Variants in PCDHGB4 observed in about 807,000 individuals in gnomAD.
PCDHGB4 encodes protocadherin gamma-B4.
PCDHGB4 carries 38 observed loss-of-function variants against 60.5 expected under a neutral mutation model. The observed-to-expected ratio is 0.63, with a 90% CI of 0.48 to 0.82. The LOEUF is 0.82. PCDHGB4 is among the 40% of genes least tolerant of loss of function. The pLI is 0.00. For missense variants in PCDHGB4, 1,109 were observed against 1,209.6 expected (o/e 0.92, Z 1.23); for synonymous variants, 456 against 509.7 (o/e 0.89, Z 1.42).
chr5:141,402,801 G>A, intron 1 of PCDHGB4: 6 of 1,078,624 alleles, frequency 5.6e-6, no homozygotes, highest in Non-Finnish European at 7.6e-6. Context: ...CACAAAACCC[G>A]GCAGATACCA....
In PCDHGB4 at chr5:141,389,832, C is replaced by A; in HGVS notation, c.1948C>A (p.Pro650Thr). The change falls in exon 1 of 4, where the codon CCA (proline) becomes ACA (threonine). Residue 650 changes from proline (P) to threonine (T), a missense_variant. Around this residue, in one of 2 missense-constraint regions of PCDHGB4, gnomAD observed 1,068 missense variants for 1,089.9 expected, o/e 0.98. Coordinates refer to ENST00000519479, the MANE Select transcript of PCDHGB4 (RefSeq NM_003736.4). ...LLVAVRDGGQ[P>T]PLSATATLHL... ...GGTCGCCGTGCGTGACGGTGGACAG[C>A]CACCACTCTCGGCCACTGCCACGTT... The A allele has an allele frequency of 1.9e-6, 3 of 1,613,966 alleles. No homozygotes were observed. The highest frequency in any genetic ancestry group is 2.5e-6 in the Non-Finnish European group (3 of 1,179,904).
chr5:141,401,060 T>A (rs1395651829), intron 1 of PCDHGB4, among the ~76,000 whole-genome samples: 3 of 152,216 alleles, frequency 2.0e-5, no homozygotes, highest in Non-Finnish European at 4.4e-5. Flanking sequence ...ATACTATATG[T>A]TGGCTGGGTG....
intron 1 of PCDHGB4, chr5:141,399,958 G>C: frequency 1.2e-6 from 2 of 1,612,122 alleles, no homozygotes; most frequent in Middle Eastern, 3.8e-4. Context: ...TAGCGAGCCC[G>C]GGCTCTTCAG....
chr5:141,432,934 G>A lies in PCDHGB4; in HGVS notation c.2397+42653G>A. The stretch of plus-strand genomic sequence containing the variant: ...GGCGCTGGCACAAGTCACGCCTGCT[G>A]CAGGCTTCAGGAGGCGGCTTGACAG... On this transcript the variant is annotated intron_variant, in intron 1 of 3. Transcript: ENST00000519479. This position sits in a 1 kb window ranked among gnomAD's most constrained non-coding sequence, Gnocchi z 6.0. 1.9e-6 allele frequency: 3 copies of A among 1,614,196 alleles called. No individual in the cohort carries two copies. Among genetic ancestry groups the A allele is most frequent in the Non-Finnish European group, 2.5e-6 (3 of 1,180,040 alleles).
chr5:141,444,360 G>A (rs556605314), intron 1 of PCDHGB4, among the ~76,000 whole-genome samples: 1 of 151,652 alleles, frequency 6.6e-6, no homozygotes, highest in South Asian at 2.1e-4. Context: ...TAGTAGAGAC[G>A]GGGTTTCTCC....
chr5:141,462,646 A>G (rs1371582710), intron 1 of PCDHGB4, among the ~76,000 whole-genome samples: 1 of 137,316 alleles, frequency 7.3e-6, no homozygotes, highest in Non-Finnish European at 1.5e-5. Flanking sequence ...TTTCATTTCC[A>G]TCCTCAATTA....
chr5:141,484,960 C>A, intron 1 of PCDHGB4: 1 of 577,142 alleles, frequency 1.7e-6, no homozygotes, highest in Non-Finnish European at 3.1e-6. Flanking sequence ...TTGGCTGAGC[C>A]CGGGAGCCGC....
Position 141,393,014 on chromosome 5 carries a change from C to T in PCDHGB4, c.2397+2733C>T, listed in dbSNP as rs761990025. The T allele has an allele frequency of 1.9e-6, 3 of 1,613,736 alleles. No homozygotes were observed. The African/African-American group carries it at 4.0e-5, about 22-fold the overall frequency. On this transcript the variant is annotated intron_variant, in intron 1 of 3. Transcript: ENST00000519479. ...TGGCGAAGCACGGAGTCCGTATCGT[C>T]TCCAGAGGTAGGACGCAGCTCTTTG... is the stretch of plus-strand genomic sequence containing the variant.
chr5:141,393,805 C>T (rs1266380650), intron 1 of PCDHGB4: 3 of 1,613,914 alleles, frequency 1.9e-6, no homozygotes, highest in South Asian at 1.1e-5. Flanking sequence ...CTGGGGAGGA[C>T]CAAATTGCTC....
rs775898365 is a variant in PCDHGB4 at position 141,476,425 on chromosome 5, T to C, written c.2398-18382T>C. On this transcript the variant is annotated intron_variant, in intron 1 of 3. Transcript: ENST00000519479. This position sits in a 1 kb window ranked among gnomAD's most constrained non-coding sequence, Gnocchi z 7.6. ...AGGAGCTGTGTGGGACACTGCCCTC[T>C]TGCACTGTAACTCTGGAGTTGGTAG... is the stretch of plus-strand genomic sequence containing the variant. The C allele has an allele frequency of 1.2e-6, 2 of 1,614,108 alleles. No homozygotes were observed. Among genetic ancestry groups the C allele is most frequent in the East Asian group, 4.5e-5 (2 of 44,848 alleles).
chr5:141,408,873 CCACCG>C (rs776180805), intron 1 of PCDHGB4: 50 of 1,613,104 alleles, frequency 3.1e-5, no homozygotes, highest in Non-Finnish European at 4.1e-5. Context: ...CCAAGAAGTG[CCACCG>C]CTCACATAGA....
chr5:141,414,725 T>C (rs1303775655), intron 1 of PCDHGB4: 8 of 1,613,970 alleles, frequency 5.0e-6, no homozygotes, highest in African/African-American at 1.3e-5. Flanking sequence ...GACACTGGCG[T>C]CCTGTATGCA....
intron 1 of PCDHGB4, chr5:141,422,075 G>A (rs1192481253): frequency 1.9e-6 from 3 of 1,612,092 alleles, no homozygotes; most frequent in East Asian, 2.2e-5. Flanking sequence ...TATTCATTTC[G>A]GAACATGGAA....
chr5:141,389,070 T>C lies in PCDHGB4; in HGVS notation c.1186T>C (p.Ser396Pro). ...TGTTCCATTTAAAATATTAACTTCT[T>C]CAAGAAACACGTATAAATTAGTGAC... is the stretch of plus-strand genomic sequence containing the variant. The part of the protein sequence containing the change: ...GDVPFKILTS[S>P]RNTYKLVTDA... Residue 396 changes from serine (S) to proline (P), a missense_variant, in exon 1 of 4, where the codon TCA becomes CCA. Coordinates refer to ENST00000519479, the MANE Select transcript of PCDHGB4 (RefSeq NM_003736.4). 1 of 1,613,964 alleles carries C rather than the reference T, an allele frequency of 6.2e-7. No homozygotes were observed. Among genetic ancestry groups the C allele is most frequent in the South Asian group, 1.1e-5 (1 of 91,082 alleles).
chr5:141,510,083 G>A (rs2099879432), intron 3 of PCDHGB4, among the ~76,000 whole-genome samples: 1 of 152,104 alleles, frequency 6.6e-6, no homozygotes, highest in Non-Finnish European at 1.5e-5. Flanking sequence ...CAGAGTGCCT[G>A]GCACACAGTA....
At chr5:141,419,276 CAA>C in intron 1 of PCDHGB4, 4 of 1,614,038 alleles carry the variant, frequency 2.5e-6, no homozygotes, top group Non-Finnish European at 3.4e-6. Flanking sequence ...CTCCATAGCG[CAA>C]GTCAGTGCCT....
Position 141,489,424 on chromosome 5 carries a change from C to T in PCDHGB4, c.2398-5383C>T, listed in dbSNP as rs758049228. The T allele has an allele frequency of 5.0e-5, 80 of 1,613,958 alleles. No homozygotes were observed. In the Admixed American group the frequency reaches 1.1e-3, roughly 23 times the overall value. On this transcript the variant is annotated intron_variant, in intron 1 of 3. Coordinates refer to ENST00000519479, the MANE Select transcript of PCDHGB4 (RefSeq NM_003736.4). The surrounding 1 kb of genome is among the most constrained non-coding windows in gnomAD (Gnocchi z 4.5). ...CTTAAAGATGACAGATCTGTTGAGC[C>T]GGCGGCTGCAATTGGGCTCTGAGGA...
At chr5:141,397,843 C>A (rs1200465582) in intron 1 of PCDHGB4, 7 of 522,606 alleles carry the variant, frequency 1.3e-5, no homozygotes, top group Non-Finnish European at 2.0e-5. Context: ...CTTGAAGCCG[C>A]AGAGGCTGTA....
At chr5:141,427,922 G>T (rs949317839) in intron 1 of PCDHGB4, 2 of 1,580,624 alleles carry the variant, frequency 1.3e-6, no homozygotes, top group African/African-American at 1.3e-5. Context: ...ACATGAGCCG[G>T]CGCATGTTGG....
Sources: allele counts gnomAD v4.1 joint callset (sites outside exome capture counted in the v4.1 genomes callset), GRCh38; gene constraint gnomAD v4.1.1; regional missense constraint gnomAD v4.1.1; non-coding constraint Gnocchi (gnomAD v3.1); transcripts MANE v1.5; gene names NCBI Gene and HGNC (gene_info 2026-07-23, HGNC 2026-07-21).